NRCAM: variants seen among roughly 807,000 people sequenced by gnomAD.
The protein encoded by NRCAM is NgCAM-related cell adhesion molecule.
Under a neutral mutation model 156.5 loss-of-function variants are expected in NRCAM, and 83 were observed. The observed-to-expected ratio is 0.53, with a 90% CI of 0.44 to 0.64. The LOEUF is 0.64. Among genes scored for constraint, NRCAM ranks in the 30% least tolerant of loss-of-function variants. The pLI is 0.00. For synonymous variants in NRCAM, 538 were observed against 563.9 expected (o/e 0.95, Z 0.65); for missense variants, 1,417 against 1,597.3 (o/e 0.89, Z 1.92).
intron 22 of NRCAM, among the ~76,000 whole-genome samples, 200 bp downstream of exon 22, chr7:108,184,041 T>C (rs992729189): frequency 6.6e-6 from 1 of 152,124 alleles, no homozygotes; most frequent in African/African-American, 2.4e-5. Context: ...CACCAAATCA[T>C]TTTGACTCCA....
intron 32 of NRCAM, among the ~76,000 whole-genome samples, chr7:108,153,442 A>ATTAGGG (rs1204688714): frequency 1.3e-5 from 2 of 152,140 alleles, no homozygotes; most frequent in Non-Finnish European, 2.9e-5. Context: ...TATTCCTAAC[A>ATTAGGG]TTAGGAATAG....
rs563415045 is a variant in NRCAM at position 108,333,090 on chromosome 7, C to T, written c.-173-20359G>A. 5.9e-5 allele frequency among the ~76,000 whole-genome samples: 9 copies of T among 152,266 alleles called. No individual in the cohort carries two copies. The South Asian group carries it at 6.2e-4, about 11-fold the overall frequency. Reference sequence around the variant, plus strand: ...ATGTCCAAATCACTTAACAGAAATACGATCAGTGTTCCCAGAGCAAATAAT... The same window carrying T: ...ATGTCCAAATCACTTAACAGAAATATGATCAGTGTTCCCAGAGCAAATAAT... On this transcript the variant is annotated intron_variant, in intron 2 of 32. Coordinates refer to ENST00000379028, the MANE Select transcript of NRCAM (RefSeq NM_001037132.4).
At chr7:108,238,917 T>C (rs2095337562) in intron 4 of NRCAM, among the ~76,000 whole-genome samples, 1 of 151,754 alleles carries the variant, frequency 6.6e-6, no homozygotes. Context: ...GCAACCTCTA[T>C]GGTAATAATA....
chr7:108,177,714 T>C (rs2061448902), intron 26 of NRCAM, among the ~76,000 whole-genome samples: 1 of 19,542 alleles, frequency 5.1e-5, no homozygotes, highest in African/African-American at 7.8e-5. Flanking sequence ...TATATATATA[T>C]ACGTGTGTAT....
At chr7:108,337,834 C>T (rs1030309777) in intron 2 of NRCAM, among the ~76,000 whole-genome samples, 9 of 152,186 alleles carry the variant, frequency 5.9e-5, no homozygotes, top group African/African-American at 2.2e-4. Context: ...CCCCGCAACC[C>T]AGTAACATTT....
At chr7:108,335,861 CTCTATT>C (rs957599178) in intron 2 of NRCAM, among the ~76,000 whole-genome samples, 4 of 151,984 alleles carry the variant, frequency 2.6e-5, no homozygotes, top group Non-Finnish European at 4.4e-5. Context: ...CTTTTTTCCC[CTCTATT>C]TCTATTTTCC....
chr7:108,312,444 G>T (rs2098815129), intron 3 of NRCAM, among the ~76,000 whole-genome samples: 1 of 152,054 alleles, frequency 6.6e-6, no homozygotes. Flanking sequence ...ACTATGAAAG[G>T]ACATGAGGGC....
chr7:108,411,633 G>A (rs560420198), intron 1 of NRCAM, among the ~76,000 whole-genome samples: 74 of 152,232 alleles, frequency 4.9e-4, no homozygotes, highest in African/African-American at 1.7e-3. Flanking sequence ...GGGTTCAAGG[G>A]ATTCTCCTGC....
intron 3 of NRCAM, among the ~76,000 whole-genome samples, chr7:108,260,981 T>C (rs1034018978): frequency 1.3e-5 from 2 of 152,022 alleles, no homozygotes; most frequent in Non-Finnish European, 2.9e-5. Flanking sequence ...TAGAGGCATC[T>C]AAGCAGGCCA....
At chr7:108,373,812 C>T (rs1595558553) in intron 2 of NRCAM, among the ~76,000 whole-genome samples, 1 of 152,126 alleles carries the variant, frequency 6.6e-6, no homozygotes, top group Non-Finnish European at 1.5e-5. Context: ...TTGATAACTT[C>T]CTAAGGGGTA....
chr7:108,347,030 C>CTTTT (rs1563365643), intron 2 of NRCAM, among the ~76,000 whole-genome samples: 13 of 88,022 alleles, frequency 1.5e-4, no homozygotes, highest in Non-Finnish European at 2.5e-4. Context: ...TATTATATTT[C>CTTTT]TGTTTTTTTT....
chr7:108,340,882 T>G (rs1175154990), intron 2 of NRCAM, among the ~76,000 whole-genome samples: 1 of 152,078 alleles, frequency 6.6e-6, no homozygotes, highest in Non-Finnish European at 1.5e-5. Flanking sequence ...CTTCAAAAAC[T>G]TAGAAACCCT....
In NRCAM at chr7:108,272,180, T is replaced by C. The variant is rs186425042; in HGVS notation, c.-106-32010A>G. Among the ~76,000 whole-genome samples the C allele has an allele frequency of 7.3e-3, 1,112 of 152,364 alleles. 3 individuals carry two copies. The highest frequency in any genetic ancestry group is 0.02 in the Middle Eastern group (6 of 294). On this transcript the variant is annotated intron_variant, in intron 3 of 32. Coordinates refer to ENST00000379028, the MANE Select transcript of NRCAM (RefSeq NM_001037132.4). ...ATGCCCTCCTGTGAGTATTATCTTC[T>C]TGAAGAGTGAATTTCACCACTGTTT...
chr7:108,156,269 G>T, intron 32 of NRCAM: 1 of 983,950 alleles, frequency 1.0e-6, no homozygotes, highest in Non-Finnish European at 1.2e-6. Flanking sequence ...GATTCATGTG[G>T]CAAGAGCCAC....
chr7:108,232,929 A>G (rs2094498422), intron 6 of NRCAM, among the ~76,000 whole-genome samples: 1 of 152,128 alleles, frequency 6.6e-6, no homozygotes, highest in Non-Finnish European at 1.5e-5. Context: ...ATGTGACAAG[A>G]CCTCTGCAAG....
intron 3 of NRCAM, among the ~76,000 whole-genome samples, chr7:108,251,930 AAG>A (rs2096375612): frequency 6.6e-6 from 1 of 152,172 alleles, no homozygotes; most frequent in African/African-American, 2.4e-5. Context: ...GTGACAGTGC[AAG>A]ACTGTTTAAA....
chr7:108,436,628 A>G (rs958375930), intron 1 of NRCAM, among the ~76,000 whole-genome samples: 1 of 152,200 alleles, frequency 6.6e-6, no homozygotes, highest in Admixed American at 6.5e-5. Flanking sequence ...TCATAACAAA[A>G]TTTTAGTAAA....
chr7:108,347,272 G>C (rs6957056), intron 2 of NRCAM, among the ~76,000 whole-genome samples: 48,804 of 151,780 alleles, frequency 0.32, 8,253 homozygotes, highest in East Asian at 0.56. Flanking sequence ...TCCTGACCTT[G>C]TGATCCACCC....
intron 11 of NRCAM, among the ~76,000 whole-genome samples, chr7:108,221,726 A>G (rs915137405): frequency 1.2e-4 from 18 of 152,144 alleles, no homozygotes; most frequent in African/African-American, 4.3e-4. Context: ...GTTGAGGGAC[A>G]AAAGACTACA....
Sources: gnomAD v4.1 joint callset for allele counts (sites outside exome capture counted in the v4.1 genomes callset) on GRCh38, gnomAD v4.1.1 for gene constraint, MANE v1.5 for transcripts, NCBI Gene and HGNC (gene_info 2026-07-23, HGNC 2026-07-21) for gene names.